Variants in RBM47 observed in about 807,000 individuals in gnomAD.
RBM47 encodes RNA-binding protein 47.
A neutral mutation model predicts 47.1 loss-of-function variants in RBM47; 21 were observed. The observed-to-expected ratio is 0.45, with a 90% CI of 0.32 to 0.64. The LOEUF (loss-of-function observed/expected upper bound fraction) is 0.64, where lower values mean the gene tolerates loss of function less well. Ranked by LOEUF, RBM47 falls within the 30% of genes least tolerant of loss-of-function variation. The pLI is 0.05. For missense variants in RBM47, 708 were observed against 870.9 expected (o/e 0.81, Z 2.35); for synonymous variants, 375 against 361.7 (o/e 1.04, Z -0.42).
At chr4:40,577,802 T>G (rs866788915) in intron 1 of RBM47, among the ~76,000 whole-genome samples, 1 of 152,278 alleles carries the variant, frequency 6.6e-6, no homozygotes, top group Middle Eastern at 3.4e-3. Flanking sequence ...TAGATAAATG[T>G]GGTACCATTG....
At chr4:40,537,456 T>G (rs1728095944) in intron 2 of RBM47, among the ~76,000 whole-genome samples, 1 of 152,010 alleles carries the variant, frequency 6.6e-6, no homozygotes, top group Non-Finnish European at 1.5e-5. Flanking sequence ...GTTTCACCAT[T>G]GCCCAGGCTG....
At chr4:40,573,733 A>G (rs1275094607) in intron 1 of RBM47, among the ~76,000 whole-genome samples, 53 of 146,794 alleles carry the variant, frequency 3.6e-4, no homozygotes, top group Non-Finnish European at 1.8e-4. Flanking sequence ...GGCTCTGTCT[A>G]AAAAAAGAAA....
chr4:40,585,161 T>C (rs764964938), intron 1 of RBM47, among the ~76,000 whole-genome samples: 3 of 152,224 alleles, frequency 2.0e-5, no homozygotes, highest in Non-Finnish European at 2.9e-5. Flanking sequence ...AAATCCTTGT[T>C]TGCAAAATCA....
At chr4:40,617,630 T>C (rs571533712) in intron 1 of RBM47, among the ~76,000 whole-genome samples, 10 of 151,606 alleles carry the variant, frequency 6.6e-5, no homozygotes, top group African/African-American at 2.4e-4. Context: ...TTAAATATAT[T>C]CAGTGTTAAG....
At chr4:40,543,068 T>A (rs667453) in intron 2 of RBM47, 13,477 of 152,216 alleles carry the variant, frequency 0.089, 1,088 homozygotes, top group African/African-American at 0.22. Flanking sequence ...TTTACTTGTA[T>A]CCCTACAGAT....
intron 1 of RBM47, among the ~76,000 whole-genome samples, chr4:40,560,589 C>T (rs1024819584): frequency 2.6e-5 from 4 of 152,220 alleles, no homozygotes; most frequent in African/African-American, 9.6e-5. Context: ...CCCTCTCCTG[C>T]CTAGTCATAC....
intron 1 of RBM47, among the ~76,000 whole-genome samples, chr4:40,545,349 C>A (rs1157678027): frequency 6.8e-6 from 1 of 147,736 alleles, no homozygotes; most frequent in Non-Finnish European, 1.5e-5. Flanking sequence ...CGGCGCCCGG[C>A]CTGAGATCCT....
At chr4:40,569,263 A>G (rs1731440463) in intron 1 of RBM47, among the ~76,000 whole-genome samples, 1 of 152,042 alleles carries the variant, frequency 6.6e-6, no homozygotes, top group South Asian at 2.1e-4. Flanking sequence ...CCTATAAACA[A>G]CTACGCTTAT....
intron 2 of RBM47, among the ~76,000 whole-genome samples, chr4:40,488,409 A>G (rs951083558): frequency 6.6e-6 from 1 of 152,074 alleles, no homozygotes; most frequent in Admixed American, 6.5e-5. Context: ...TTCAGTGCGC[A>G]CCATTTTCAT....
chr4:40,437,902 G>A lies in RBM47; in HGVS notation c.992C>T (p.Ala331Val), dbSNP rs761580769. The A allele has an allele frequency of 1.2e-6, 2 of 1,613,888 alleles. No homozygotes were observed. Among genetic ancestry groups the A allele is most frequent in the Non-Finnish European group, 8.5e-7 (1 of 1,180,014 alleles). ...KEQYSRYQKA[A>V]RGGGAAEAAQ... ...TGCCTCAGCCGCGCCGCCGCCCCTG[G>A]CTGCCTTCTGGTAGCGCGAGTACTG... The change falls in exon 4 of 7, where the codon GCC becomes GTC. Residue 331 changes from alanine (A) to valine (V), a missense_variant. Transcript: ENST00000295971.
intron 2 of RBM47, among the ~76,000 whole-genome samples, chr4:40,466,947 G>A (rs1470627145): frequency 2.0e-5 from 3 of 152,102 alleles, no homozygotes; most frequent in African/African-American, 7.2e-5. Flanking sequence ...ATAAGAAAAT[G>A]ACTAATTTCT....
intron 1 of RBM47, among the ~76,000 whole-genome samples, chr4:40,623,055 G>A (rs1737411168): frequency 6.6e-6 from 1 of 152,170 alleles, no homozygotes; most frequent in African/African-American, 2.4e-5. Flanking sequence ...ACATGACCAG[G>A]GTGTATGAGA....
chr4:40,539,739 CAAAAAAAAAAAAAA>C (rs56005602), intron 2 of RBM47, among the ~76,000 whole-genome samples: 10 of 56,296 alleles, frequency 1.8e-4, no homozygotes, highest in African/African-American at 4.1e-4. Flanking sequence ...GACTCTGTCT[CAAAAAAAAAAAAAA>C]AAAAAAAAAA....
chr4:40,590,571 A>G (rs1032903610), intron 1 of RBM47, among the ~76,000 whole-genome samples: 11 of 152,200 alleles, frequency 7.2e-5, no homozygotes, highest in African/African-American at 2.7e-4. Context: ...CATTGTGAAT[A>G]AGAGATCAGC....
intron 3 of RBM47, among the ~76,000 whole-genome samples, chr4:40,461,919 G>A (rs1018640586): frequency 6.9e-6 from 1 of 144,060 alleles, no homozygotes; most frequent in African/African-American, 2.6e-5. Context: ...TGGGTGACAA[G>A]AGTGAAAACT....
chr4:40,620,706 T>TA (rs1737186726), intron 1 of RBM47, among the ~76,000 whole-genome samples: 2 of 151,994 alleles, frequency 1.3e-5, no homozygotes, highest in South Asian at 4.2e-4. Context: ...CTTTAAAAAA[T>TA]TTTTTTTAAT....
intron 2 of RBM47, among the ~76,000 whole-genome samples, chr4:40,528,323 C>G (rs1011766285): frequency 1.3e-5 from 2 of 151,604 alleles, no homozygotes; most frequent in Admixed American, 1.3e-4. Context: ...GCAGGAGAAT[C>G]CCTTGAAACC....
chr4:40,541,617 A>C (rs891898424), intron 2 of RBM47, among the ~76,000 whole-genome samples: 1 of 152,150 alleles, frequency 6.6e-6, no homozygotes, highest in Non-Finnish European at 1.5e-5. Context: ...GCATGCCTAT[A>C]ATCCCAGCTA....
At chr4:40,489,015 C>G (rs896260249) in intron 2 of RBM47, among the ~76,000 whole-genome samples, 7 of 152,138 alleles carry the variant, frequency 4.6e-5, no homozygotes, top group Admixed American at 2.0e-4. Flanking sequence ...ACCCCAGAGC[C>G]CAAGTTTTTG....
Sources: gnomAD v4.1 joint callset for allele counts (sites outside exome capture counted in the v4.1 genomes callset) on GRCh38, gnomAD v4.1.1 for gene constraint, MANE v1.5 for transcripts, NCBI Gene and HGNC (gene_info 2026-07-23, HGNC 2026-07-21) for gene names.